ADGRV1: variants seen among roughly 807,000 people sequenced by gnomAD.
The protein encoded by ADGRV1 is G-protein coupled receptor 98.
A neutral mutation model predicts 596.2 loss-of-function variants in ADGRV1; 359 were observed. That is an observed-to-expected ratio of 0.60 (90% CI 0.55 to 0.66). ADGRV1 has a LOEUF of 0.66. Ranked by LOEUF, ADGRV1 falls within the 30% of genes least tolerant of loss-of-function variation. The pLI is 0.00. For synonymous variants in ADGRV1, 2,681 were observed against 2,679.2 expected (o/e 1.00, Z -0.02); for missense variants, 7,274 against 7,575.6 (o/e 0.96, Z 1.48).
intron 83 of ADGRV1, among the ~76,000 whole-genome samples, chr5:90,872,777 A>G (rs571678897): frequency 1.3e-5 from 2 of 152,034 alleles, no homozygotes; most frequent in Non-Finnish European, 2.9e-5. Context: ...CCACCCCTTT[A>G]CAGAGGAGCC....
chr5:90,748,823 GT>G (rs1383181586), intron 52 of ADGRV1, among the ~76,000 whole-genome samples: 1 of 143,162 alleles, frequency 7.0e-6, no homozygotes, highest in South Asian at 2.2e-4. Flanking sequence ...GTTTTTTTTT[GT>G]TTTTTTTTTA....
At chr5:90,901,943 G>T (rs758883931) in intron 83 of ADGRV1, among the ~76,000 whole-genome samples, 2 of 152,016 alleles carry the variant, frequency 1.3e-5, no homozygotes, top group African/African-American at 4.8e-5. Context: ...TGGCCTCTTG[G>T]GATAGTGGAA....
intron 86 of ADGRV1, among the ~76,000 whole-genome samples, chr5:91,091,153 TCTCC>T (rs1790350679): frequency 1.3e-5 from 2 of 152,146 alleles, no homozygotes; most frequent in Non-Finnish European, 2.9e-5. Context: ...GCACACTTTT[TCTCC>T]CTCCCTCTCT....
At chr5:90,989,485 T>C (rs1780787578) in intron 85 of ADGRV1, among the ~76,000 whole-genome samples, 1 of 152,210 alleles carries the variant, frequency 6.6e-6, no homozygotes, top group African/African-American at 2.4e-5. Flanking sequence ...CCTAATCCAG[T>C]TTCTCATTTC....
At position 90,848,804 on chromosome 5, in the gene ADGRV1, C is replaced by T. The variant is rs371639191; in HGVS notation, c.17187C>T (p.Cys5729=). 7.1e-5 allele frequency: 112 copies of T among 1,580,292 alleles called. No homozygotes were observed. The highest frequency in any genetic ancestry group is 9.5e-5 in the Admixed American group (5 of 52,750). The change falls in exon 79 of 90, where the codon TGC becomes TGT. Residue 5729 remains cysteine, a synonymous_variant. Transcript: ENST00000405460. The part of the protein sequence containing the change: ...FAFSLLTNVT[C]GSPGEKSKTI... ...TTTCTCTGCTGACTAATGTTACTTG[C>T]GGCTCTCCTGGTGAAAAGTAAGTAT...
chr5:91,102,443 TTG>T (rs1222754788), intron 87 of ADGRV1, 103 bp downstream of exon 87: 2 of 977,938 alleles, frequency 2.0e-6, no homozygotes, highest in Non-Finnish European at 2.9e-6. Context: ...ACAGGTGAAT[TTG>T]TGTACATAAT....
At chr5:90,566,173 ATTAAT>A (rs778937023) in intron 1 of ADGRV1, among the ~76,000 whole-genome samples, 19 of 151,984 alleles carry the variant, frequency 1.3e-4, no homozygotes, top group African/African-American at 2.4e-4. Flanking sequence ...ATTTTGTTGA[ATTAAT>A]TTATTTAACT....
intron 87 of ADGRV1, among the ~76,000 whole-genome samples, chr5:91,138,565 C>T (rs372809793): frequency 1.9e-4 from 29 of 151,982 alleles, no homozygotes; most frequent in African/African-American, 6.5e-4. Flanking sequence ...TCTACTAAAC[C>T]GTCATCAGAA....
intron 75 of ADGRV1, among the ~76,000 whole-genome samples, chr5:90,817,345 G>T (rs1371735693): frequency 5.9e-5 from 9 of 151,288 alleles, no homozygotes; most frequent in Admixed American, 1.3e-4. Flanking sequence ...TGCGAAAATT[G>T]TCTCCCATTT....
At chr5:90,840,405 T>C (rs1245069896) in intron 77 of ADGRV1, among the ~76,000 whole-genome samples, 173 bp from the exon 78 acceptor site, 2 of 152,240 alleles carry the variant, frequency 1.3e-5, no homozygotes, top group Admixed American at 1.3e-4. Context: ...ATCTCTCTAA[T>C]TTATCTTAGC....
chr5:90,569,380 TATATATA>T (rs1163956994), intron 1 of ADGRV1, among the ~76,000 whole-genome samples: 87 of 24,474 alleles, frequency 3.6e-3, no homozygotes, highest in Non-Finnish European at 5.3e-3. Context: ...TATATATATA[TATATATA>T]TTTTTTTTTT....
chr5:90,976,214 G>GTATATATATATATATATA (rs199752660), intron 84 of ADGRV1, among the ~76,000 whole-genome samples: 1 of 140,896 alleles, frequency 7.1e-6, no homozygotes, highest in African/African-American at 2.9e-5. Context: ...GTGTGTGAGT[G>GTATATATATATATATATA]TGTATATATA....
chr5:90,858,172 G>A (rs1480922345), intron 82 of ADGRV1, among the ~76,000 whole-genome samples: 3 of 152,146 alleles, frequency 2.0e-5, no homozygotes, highest in African/African-American at 7.2e-5. Flanking sequence ...CATTCCTTGA[G>A]GTTAAAATGA....
At chr5:90,822,492 C>T (rs1428663890) in intron 75 of ADGRV1, among the ~76,000 whole-genome samples, 1 of 152,150 alleles carries the variant, frequency 6.6e-6, no homozygotes, top group Non-Finnish European at 1.5e-5. Context: ...ATCTGTATCT[C>T]TGTTTTGGTA....
intron 84 of ADGRV1, among the ~76,000 whole-genome samples, chr5:90,972,971 GAA>G (rs1376877164): frequency 6.6e-6 from 1 of 151,844 alleles, no homozygotes; most frequent in African/African-American, 2.4e-5. Context: ...TAATAAAGAA[GAA>G]AAGAGAGAAG....
chr5:90,692,384 T>A (rs1336700372), intron 31 of ADGRV1, among the ~76,000 whole-genome samples: 1 of 152,210 alleles, frequency 6.6e-6, no homozygotes, highest in Non-Finnish European at 1.5e-5. Context: ...AGCCTGTATG[T>A]CTTATATATA....
chr5:90,754,186 C>A (rs1432223592), intron 54 of ADGRV1, among the ~76,000 whole-genome samples: 4 of 152,084 alleles, frequency 2.6e-5, no homozygotes, highest in African/African-American at 9.7e-5. Context: ...TTACAGAGAA[C>A]AATGAGCAAC....
At position 90,972,091 on chromosome 5, in the gene ADGRV1, A is replaced by G. The variant is rs543099945; in HGVS notation, c.17973+6560A>G. Among the ~76,000 whole-genome samples the G allele has an allele frequency of 9.2e-5, 14 of 152,348 alleles. 1 individual carries two copies. In the East Asian group the frequency reaches 2.7e-3, roughly 29 times the overall value. On this transcript the variant is annotated intron_variant, in intron 84 of 89. Coordinates refer to ENST00000405460, the MANE Select transcript of ADGRV1 (RefSeq NM_032119.4). ...AACAGACTTTAGACCAATAAAGCTC[A>G]AAAGAGACAAAGAAGGCCATTACAT...
At chr5:91,148,601 C>T (rs1795754240) in intron 87 of ADGRV1, among the ~76,000 whole-genome samples, 1 of 152,202 alleles carries the variant, frequency 6.6e-6, no homozygotes, top group South Asian at 2.1e-4. Context: ...GTGGAGCCCT[C>T]ATAAAGAACC....
Sources: allele counts gnomAD v4.1 joint callset (sites outside exome capture counted in the v4.1 genomes callset), GRCh38; gene constraint gnomAD v4.1.1; transcripts MANE v1.5; gene names NCBI Gene and HGNC (gene_info 2026-07-23, HGNC 2026-07-21).